The following PARPBP variants were observed in gnomAD, a reference collection of about 807,000 sequenced individuals.
PARPBP encodes PCNA-interacting partner.
Under a neutral mutation model 50.0 loss-of-function variants are expected in PARPBP, and 52 were observed. The ratio of observed to expected loss-of-function variants is 1.04; its 90% CI spans 0.83 to 1.31. PARPBP has a LOEUF of 1.31. PARPBP is among the 50% of genes most tolerant of loss of function. PARPBP has a pLI of 0.00. For missense variants in PARPBP, 697 were observed against 672.0 expected (o/e 1.04, Z -0.41); for synonymous variants, 244 against 232.1 (o/e 1.05, Z -0.47).
intron 8 of PARPBP, 99 bp downstream of exon 8, chr12:102,178,869 T>C (rs897290006): frequency 1.4e-6 from 1 of 721,998 alleles, no homozygotes; most frequent in African/African-American, 1.8e-5. Context: ...CTACAGAAAT[T>C]GTGAAGAAAG....
At chr12:102,181,268 G>A (rs1444870685) in intron 8 of PARPBP, among the ~76,000 whole-genome samples, 4 of 152,114 alleles carry the variant, frequency 2.6e-5, no homozygotes, top group Admixed American at 6.5e-5. Flanking sequence ...TTAGTTACTG[G>A]ATTGACTAAG....
chr12:102,181,319 A>G (rs1744383721), intron 8 of PARPBP, among the ~76,000 whole-genome samples: 1 of 152,180 alleles, frequency 6.6e-6, no homozygotes, highest in South Asian at 2.1e-4. Flanking sequence ...AGAAATAATG[A>G]CACTTTTATA....
intron 4 of PARPBP, among the ~76,000 whole-genome samples, chr12:102,158,730 T>C (rs939166462): frequency 3.3e-5 from 5 of 152,160 alleles, no homozygotes; most frequent in African/African-American, 1.2e-4. Flanking sequence ...AAAGGGTAGA[T>C]TACTTAAAGA....
Position 102,196,154 on chromosome 12 carries a change from A to C in PARPBP, c.1603A>C (p.Lys535Gln). The change falls in exon 11 of 11, where the codon AAA (lysine) becomes CAA (glutamine). Residue 535 changes from lysine (K) to glutamine (Q), a missense_variant. By Grantham distance (53) the Lys-to-Gln change is moderately conservative. Transcript: ENST00000327680. ...RNEPPQHKNA[K>Q]IPKKSNDSQN... ...TGAACCACCTCAACATAAAAATGCT[A>C]AAATACCTAAGAAATCAAATGATTC... is the stretch of plus-strand genomic sequence containing the variant. 1 of 1,612,072 alleles carries C rather than the reference A, an allele frequency of 6.2e-7. No individual in the cohort carries two copies. Among genetic ancestry groups the C allele is most frequent in the African/African-American group, 1.3e-5 (1 of 74,986 alleles).
At chr12:102,154,916 T>C in intron 4 of PARPBP, 1 of 430,654 alleles carries the variant, frequency 2.3e-6, no homozygotes. Context: ...TGGCCACCTA[T>C]GAGACGTCAT....
chr12:102,121,273 C>G (rs570795210), intron 1 of PARPBP, among the ~76,000 whole-genome samples: 1 of 151,914 alleles, frequency 6.6e-6, no homozygotes, highest in African/African-American at 2.4e-5. Flanking sequence ...AGGAGTGTTA[C>G]GTGTTTATAT....
At chr12:102,134,246 A>C (rs1883297137) in intron 2 of PARPBP, among the ~76,000 whole-genome samples, 1 of 151,488 alleles carries the variant, frequency 6.6e-6, no homozygotes, top group African/African-American at 2.4e-5. Flanking sequence ...CTCAAAAAAA[A>C]AAAAAAAGAA....
chr12:102,143,529 T>C (rs1884946146), intron 2 of PARPBP, among the ~76,000 whole-genome samples: 1 of 152,164 alleles, frequency 6.6e-6, no homozygotes, highest in African/African-American at 2.4e-5. Flanking sequence ...GTACCTCAGT[T>C]GGAAATGCAG....
At chr12:102,156,260 C>T (rs1165175687) in intron 4 of PARPBP, among the ~76,000 whole-genome samples, 1 of 137,084 alleles carries the variant, frequency 7.3e-6, no homozygotes, top group Non-Finnish European at 1.5e-5. Flanking sequence ...AATCTCGGCT[C>T]ATTGGAAGCT....
chr12:102,130,721 G>T (rs1352275317), intron 2 of PARPBP, among the ~76,000 whole-genome samples: 1 of 151,762 alleles, frequency 6.6e-6, no homozygotes, highest in Non-Finnish European at 1.5e-5. Flanking sequence ...CGGGCATGGG[G>T]GCAGACGCCT....
intron 3 of PARPBP, chr12:102,148,983 A>G (rs1341963657): frequency 6.6e-6 from 1 of 152,228 alleles, no homozygotes; most frequent in African/African-American, 2.4e-5. Flanking sequence ...AAATGTAAAA[A>G]TTAAATGGAG....
At chr12:102,193,102 G>A (rs1453092509) in intron 9 of PARPBP, among the ~76,000 whole-genome samples, 1 of 151,674 alleles carries the variant, frequency 6.6e-6, no homozygotes, top group Non-Finnish European at 1.5e-5. Context: ...AATTGTACTG[G>A]GGTCTCTGAG....
chr12:102,179,901 T>C (rs1270750780), intron 8 of PARPBP, among the ~76,000 whole-genome samples: 3 of 152,218 alleles, frequency 2.0e-5, no homozygotes, highest in African/African-American at 7.2e-5. Flanking sequence ...TTCACAAAAT[T>C]ATCGTACCGC....
At chr12:102,188,591 C>T (rs776361239) in intron 9 of PARPBP, among the ~76,000 whole-genome samples, 3 of 152,064 alleles carry the variant, frequency 2.0e-5, no homozygotes, top group Non-Finnish European at 4.4e-5. Flanking sequence ...TCATCTGTAG[C>T]TTCTAGAGTT....
chr12:102,139,302 T>G (rs936087572), intron 2 of PARPBP, among the ~76,000 whole-genome samples: 2 of 152,228 alleles, frequency 1.3e-5, no homozygotes, highest in African/African-American at 4.8e-5. Context: ...GATTGGTGTA[T>G]AAGAATGCTT....
At chr12:102,148,018 G>T (rs1352102545) in intron 2 of PARPBP, among the ~76,000 whole-genome samples, 2 of 152,014 alleles carry the variant, frequency 1.3e-5, no homozygotes, top group African/African-American at 4.8e-5. Flanking sequence ...TGCCTTAGTT[G>T]TTCATATTTT....
chr12:102,194,893 T>C (rs1891129240), intron 9 of PARPBP, among the ~76,000 whole-genome samples: 1 of 151,464 alleles, frequency 6.6e-6, no homozygotes, highest in South Asian at 2.1e-4. Context: ...CCATATGCTA[T>C]TTTTTTTCCA....
At chr12:102,174,137 G>A (rs1889024088) in intron 6 of PARPBP, among the ~76,000 whole-genome samples, 1 of 151,492 alleles carries the variant, frequency 6.6e-6, no homozygotes, top group Non-Finnish European at 1.5e-5. Flanking sequence ...CTTTCTCAAG[G>A]AGCTGATTTT....
intron 1 of PARPBP, chr12:102,120,548 AC>A: frequency 2.2e-6 from 1 of 455,264 alleles, no homozygotes; most frequent in Non-Finnish European, 4.4e-6. Flanking sequence ...GGCCTGCTTA[AC>A]TTCCATTAGT....
Sources: gnomAD v4.1 joint callset for allele counts (sites outside exome capture counted in the v4.1 genomes callset) on GRCh38, gnomAD v4.1.1 for gene constraint, MANE v1.5 for transcripts, NCBI Gene and HGNC (gene_info 2026-07-23, HGNC 2026-07-21) for gene names.